PSMC2: variants seen among roughly 807,000 people sequenced by gnomAD.
The protein encoded by PSMC2 is 26S proteasome regulatory subunit 7.
Under a neutral mutation model 53.3 loss-of-function variants are expected in PSMC2, and 7 were observed. That is an observed-to-expected ratio of 0.13 (90% CI 0.07 to 0.25). The LOEUF is 0.25. Among genes scored for constraint, PSMC2 ranks in the 10% least tolerant of loss-of-function variants. The pLI, the probability that PSMC2 is intolerant of heterozygous loss-of-function variation, is 1.00. For missense variants in PSMC2, 241 were observed against 544.0 expected (o/e 0.44, Z 5.54); for synonymous variants, 169 against 183.9 (o/e 0.92, Z 0.66).
intron 4 of PSMC2, among the ~76,000 whole-genome samples, chr7:103,356,967 A>G (rs1820069746): frequency 6.6e-6 from 1 of 152,036 alleles, no homozygotes; most frequent in South Asian, 2.1e-4. Flanking sequence ...CTACTTCACA[A>G]TTTCCATCTT....
chr7:103,351,225 A>G (rs1002263236), intron 1 of PSMC2, among the ~76,000 whole-genome samples: 2 of 152,226 alleles, frequency 1.3e-5, no homozygotes, highest in Non-Finnish European at 2.9e-5. Flanking sequence ...AAGAGCATTC[A>G]TAAGACTCAG....
At position 103,362,730 on chromosome 7, in the gene PSMC2, A is replaced by G. The variant is rs775120634; in HGVS notation, c.467A>G (p.Lys156Arg). 2.4e-5 allele frequency: 38 copies of G among 1,606,016 alleles called. No individual in the cohort carries two copies. Among genetic ancestry groups the G allele is most frequent in the Non-Finnish European group, 3.2e-5 (38 of 1,173,034 alleles). Residue 156 changes from lysine (K) to arginine (R), a missense_variant, in exon 6 of 12, where the codon AAG (lysine) becomes AGG (arginine). Around this residue, in one of 6 missense-constraint regions of PSMC2, gnomAD observed 75 missense variants for 185.1 expected, o/e 0.41. Transcript: ENST00000292644. ...CAAATTCACATTCCATTGCCTCCTA[A>G]GATTGACCCAACAGTTACCATGATG... is the stretch of plus-strand genomic sequence containing the variant. ...KYQIHIPLPP[K>R]IDPTVTMMQV...
At position 103,367,035 on chromosome 7, in the gene PSMC2, G is replaced by A. The variant is rs1820754668; in HGVS notation, c.845-378G>A. Among the ~76,000 whole-genome samples, 1 of 152,008 alleles carries A rather than the reference G, an allele frequency of 6.6e-6. No homozygotes were observed. Among genetic ancestry groups the A allele is most frequent in the African/African-American group, 2.4e-5 (1 of 41,402 alleles). The stretch of plus-strand genomic sequence containing the variant: ...GGCCAGGCTGGTCTCGAACTCCTGA[G>A]GACAAGTTATTTTAACTAATCTCTG... On this transcript the variant is annotated intron_variant, in intron 9 of 11. Transcript: ENST00000292644. The surrounding 1 kb of genome is among the most constrained non-coding windows in gnomAD (Gnocchi z 6.1).
chr7:103,363,516 A>C (rs1820528982), intron 7 of PSMC2, 77 bp downstream of exon 7: 1 of 1,263,170 alleles, frequency 7.9e-7, no homozygotes, highest in South Asian at 1.2e-5. Flanking sequence ...AATTGCTTGT[A>C]TATTAGATGG....
At position 103,367,390 on chromosome 7, in the gene PSMC2, T is replaced by TATC. The variant is rs758659209; in HGVS notation, c.845-22_845-20dup. 1 of 1,611,676 alleles carries TATC rather than the reference T, an allele frequency of 6.2e-7. No homozygotes were observed. On this transcript the variant is annotated intron_variant, in intron 9 of 11. Transcript: ENST00000292644. The surrounding 1 kb of genome is among the most constrained non-coding windows in gnomAD (Gnocchi z 6.1). The stretch of plus-strand genomic sequence containing the variant: ...TACTCTTGAGTGGACTTGAAGAGCT[T>TATC]ATCTTTCCTTTTGTCTTCTCAGGGG...
rs977691691 is a variant in PSMC2 at position 103,347,690 on chromosome 7, G to C, written c.-22G>C. ...AGGTGCTGTGTAATCATTAAGGAGC[G>C]GAGGCTTTTGGAGCTGCTAAAATGC... On this transcript the variant is annotated 5_prime_UTR_variant, in exon 1 of 12. Transcript: ENST00000292644. The C allele has an allele frequency of 3.7e-6, 6 of 1,613,662 alleles. No individual in the cohort carries two copies. The highest frequency in any genetic ancestry group is 3.3e-5 in the Admixed American group (2 of 60,008).
intron 1 of PSMC2, 87 bp from the exon 2 acceptor site, chr7:103,353,834 C>T (rs1187360953): frequency 1.2e-5 from 14 of 1,133,294 alleles, no homozygotes; most frequent in East Asian, 7.4e-5. Context: ...CAATTTGAAT[C>T]GAACAGAAAA....
chr7:103,349,392 T>C (rs1819677668), intron 1 of PSMC2, among the ~76,000 whole-genome samples: 1 of 152,246 alleles, frequency 6.6e-6, no homozygotes, highest in East Asian at 1.9e-4. Context: ...AATACATTTA[T>C]TCCTTGGATA....
In PSMC2 at chr7:103,348,142, T is replaced by C. The variant is rs1586129242; in HGVS notation, c.70+361T>C. On this transcript the variant is annotated intron_variant, in intron 1 of 11. Transcript: ENST00000292644. ...CCCTGTGACAGCCGGGAGCTGTCAC[T>C]GTGTAGCCACAATTCTGAGACATAA... 2.0e-5 allele frequency among the ~76,000 whole-genome samples: 3 copies of C among 152,296 alleles called. No homozygotes were observed. In the East Asian group the frequency reaches 5.8e-4, roughly 29 times the overall value.
intron 1 of PSMC2, among the ~76,000 whole-genome samples, chr7:103,352,564 C>T (rs1819784162): frequency 6.6e-6 from 1 of 151,890 alleles, no homozygotes; most frequent in Non-Finnish European, 1.5e-5. Flanking sequence ...TGCATACCAC[C>T]ATGCTAATTT....
chr7:103,362,200 G>C, intron 5 of PSMC2, 112 bp downstream of exon 5: 1 of 1,537,192 alleles, frequency 6.5e-7, no homozygotes, highest in Non-Finnish European at 8.7e-7. Flanking sequence ...AATACCAAAG[G>C]ATGATCTAGT....
In PSMC2 at chr7:103,347,754, G is replaced by T; in HGVS notation, c.43G>T (p.Asp15Tyr). The part of the protein sequence containing the change: ...LGADQRKTKE[D>Y]EKDDKPIRAL... ...TGCCGATCAGCGGAAGACCAAAGAGGATGAGAAGGACGACAAGCCCATCCG... is the reference window on the plus strand; with the variant it reads ...TGCCGATCAGCGGAAGACCAAAGAGTATGAGAAGGACGACAAGCCCATCCG... Residue 15 changes from aspartate to tyrosine, a missense_variant, in exon 1 of 12, where the codon GAT becomes TAT. This residue lies in a region of PSMC2 where 70 missense variants were observed against 57.9 expected (regional missense o/e 1.21). Transcript: ENST00000292644. 6.2e-7 allele frequency: 1 copy of T among 1,613,908 alleles called. No individual in the cohort carries two copies. Among genetic ancestry groups the T allele is most frequent in the East Asian group, 2.2e-5 (1 of 44,876 alleles).
At chr7:103,360,003 C>T (rs188642637) in intron 4 of PSMC2, among the ~76,000 whole-genome samples, 7 of 151,616 alleles carry the variant, frequency 4.6e-5, no homozygotes, top group Admixed American at 3.9e-4. Context: ...ATTGCTCGAA[C>T]GTGGGAGGCG....
intron 5 of PSMC2, 40 bp from the exon 6 acceptor site, chr7:103,362,646 T>C: frequency 6.5e-7 from 1 of 1,546,600 alleles, no homozygotes; most frequent in Non-Finnish European, 8.9e-7. Flanking sequence ...CTTTGAAAGC[T>C]TAAAGAATGT....
rs780524962 is a variant in PSMC2 at position 103,347,723 on chromosome 7, C to T, written c.12C>T (p.Tyr4=). The T allele has an allele frequency of 3.1e-6, 5 of 1,613,934 alleles. No homozygotes were observed. The Admixed American group carries it at 5.0e-5, about 16-fold the overall frequency. MPD[Y]LGADQRKTKE... The stretch of plus-strand genomic sequence containing the variant: ...TTGGAGCTGCTAAAATGCCGGATTA[C>T]CTCGGTGCCGATCAGCGGAAGACCA... Residue 4 remains tyrosine, a synonymous_variant, in exon 1 of 12, where the codon TAC becomes TAT. Coordinates refer to ENST00000292644, the MANE Select transcript of PSMC2 (RefSeq NM_002803.4).
chr7:103,360,192 G>A (rs1024964074), intron 4 of PSMC2, among the ~76,000 whole-genome samples: 2 of 152,040 alleles, frequency 1.3e-5, no homozygotes, highest in Admixed American at 6.6e-5. Context: ...CATACATAAG[G>A]GAAAATGCAT....
Position 103,368,337 on chromosome 7 carries a change from C to G in PSMC2, c.*283C>G, listed in dbSNP as rs1410257567. On this transcript the variant is annotated 3_prime_UTR_variant, in exon 12 of 12. Transcript: ENST00000292644. ...CCTAGGCATATGCTGGCCGGGTGCTCTACATATAAATTCTCATTGTATCCT... is the reference window on the plus strand; with the variant it reads ...CCTAGGCATATGCTGGCCGGGTGCTGTACATATAAATTCTCATTGTATCCT... The G allele has an allele frequency of 4.1e-6, 1 of 242,614 alleles. No homozygotes were observed. The highest frequency in any genetic ancestry group is 7.8e-6 in the Non-Finnish European group (1 of 127,914). The allele number at this position is 242,614 out of a possible 1,614,324, so 15.0% of individuals were successfully genotyped here.
chr7:103,358,717 A>G (rs988130432), intron 4 of PSMC2, among the ~76,000 whole-genome samples: 4 of 151,846 alleles, frequency 2.6e-5, no homozygotes, highest in Non-Finnish European at 5.9e-5. Flanking sequence ...ATATGTTCTT[A>G]TCTCTCTATG....
rs556834255 is a variant in PSMC2 at position 103,368,243 on chromosome 7, C to T, written c.*189C>T. 4.1e-5 allele frequency: 25 copies of T among 614,798 alleles called. No individual in the cohort carries two copies. Among genetic ancestry groups the T allele is most frequent in the African/African-American group, 3.4e-4 (18 of 53,374 alleles). The allele number at this position is 614,798 out of a possible 1,614,324, so 38.1% of individuals were successfully genotyped here. On this transcript the variant is annotated 3_prime_UTR_variant, in exon 12 of 12. Transcript: ENST00000292644. Reference sequence around the variant, plus strand: ...AAAAGCTTGTTAGAATATATTTTGACTATTTTTTTGACCCACACCCGTTTA... The same window carrying T: ...AAAAGCTTGTTAGAATATATTTTGATTATTTTTTTGACCCACACCCGTTTA...
Sources: allele counts gnomAD v4.1 joint callset (sites outside exome capture counted in the v4.1 genomes callset), GRCh38; gene constraint gnomAD v4.1.1; regional missense constraint gnomAD v4.1.1; non-coding constraint Gnocchi (gnomAD v3.1); transcripts MANE v1.5; gene names NCBI Gene and HGNC (gene_info 2026-07-23, HGNC 2026-07-21).